The following MBD5 variants were observed in gnomAD, a reference collection of about 807,000 sequenced individuals.
MBD5 encodes methyl-CpG-binding domain protein 5.
A neutral mutation model predicts 117.3 loss-of-function variants in MBD5; 13 were observed. The observed-to-expected ratio is 0.11, with a 90% confidence interval of 0.07 to 0.18. MBD5 has a LOEUF of 0.18. MBD5 is among the 10% of genes least tolerant of loss of function. The pLI, the probability that MBD5 is intolerant of heterozygous loss-of-function variation, is 1.00. For missense variants in MBD5, 1,879 were observed against 2,093.8 expected, an observed-to-expected ratio of 0.90 and a Z score of 2.00; for synonymous variants, 727 against 766.4, an observed-to-expected ratio of 0.95 and a Z score of 0.85.
rs1428970217 is a variant in MBD5 at position 148,483,460 on chromosome 2, C to T, written c.2869C>T (p.Pro957Ser). The T allele has an allele frequency of 6.2e-7, 1 of 1,614,048 alleles. No individual in the cohort carries two copies. The highest frequency in any genetic ancestry group is 2.2e-5 in the East Asian group (1 of 44,880). ...AGGCAAGTCTGAGATCAACCTCCAC[C>T]CTTTAGGTTTTCTCAACCCGAATGT... Reference protein sequence around the residue: ...GEGKSEINLHPLGFLNPNVNA... With the variant: ...GEGKSEINLHSLGFLNPNVNA... The change falls in exon 9 of 14, where the codon CCT becomes TCT. Residue 957 changes from proline (P) to serine (S), a missense_variant. Pro to Ser is a moderately conservative substitution (Grantham distance 74). Around this residue, in one of 4 missense-constraint regions of MBD5, gnomAD observed 1,666 missense variants for 1,792.2 expected, o/e 0.93. Coordinates refer to ENST00000642680, the MANE Select transcript of MBD5 (RefSeq NM_001378120.1).
intron 4 of MBD5, among the ~76,000 whole-genome samples, chr2:148,395,236 A>G (rs1704676765): frequency 6.6e-6 from 1 of 152,150 alleles, no homozygotes; most frequent in East Asian, 1.9e-4. Context: ...TCTACTTCAC[A>G]GATATTTCCT....
intron 1 of MBD5, among the ~76,000 whole-genome samples, chr2:148,140,364 T>A (rs1026578691): frequency 6.6e-6 from 1 of 152,226 alleles, no homozygotes; most frequent in Admixed American, 6.5e-5. Context: ...GTAGGTTGTT[T>A]TAGACAAAAG....
intron 2 of MBD5, among the ~76,000 whole-genome samples, chr2:148,215,638 C>T (rs552345346): frequency 6.6e-6 from 1 of 151,912 alleles, no homozygotes; most frequent in South Asian, 2.1e-4. Flanking sequence ...CCTTCCACCT[C>T]AGCCTCCCAA....
chr2:148,426,336 A>G (rs1705784762), intron 4 of MBD5, among the ~76,000 whole-genome samples: 1 of 152,190 alleles, frequency 6.6e-6, no homozygotes, highest in Non-Finnish European at 1.5e-5. Context: ...AAGAGCCCGC[A>G]TCGCAAAGTC....
In MBD5 at chr2:148,463,902, G is replaced by A; in HGVS notation, c.380G>A (p.Ser127Asn). Residue 127 changes from serine (S) to asparagine (N), a missense_variant, in exon 7 of 14, where the codon AGT becomes AAT. Around this residue, in one of 4 missense-constraint regions of MBD5, gnomAD observed 1,666 missense variants for 1,792.2 expected, o/e 0.93. Coordinates refer to ENST00000642680, the MANE Select transcript of MBD5 (RefSeq NM_001378120.1). ...EAPHPSLVLT[S>N]PGGGTNATPV... is the part of the protein sequence containing the mutation. ...CCACATCCTTCTCTGGTGCTCACCA[G>A]TCCCGGAGGAGGAACAAGTATGTAA... 3.1e-6 allele frequency: 5 copies of A among 1,613,580 alleles called. No individual in the cohort carries two copies. The highest frequency in any genetic ancestry group is 4.2e-6 in the Non-Finnish European group (5 of 1,179,640).
chr2:148,485,773 T>C lies in MBD5; in HGVS notation c.3576T>C (p.Ser1192=). The C allele has an allele frequency of 6.2e-7, 1 of 1,613,752 alleles. No individual in the cohort carries two copies. The highest frequency in any genetic ancestry group is 1.3e-5 in the African/African-American group (1 of 75,054). Reference sequence around the variant, plus strand: ...TGTCATCAATAAACAATACTTTGAGTAACCATCAACTGACTCATCTACAGT... The same window carrying C: ...TGTCATCAATAAACAATACTTTGAGCAACCATCAACTGACTCATCTACAGT... The part of the protein sequence containing the change: ...GDMSSINNTL[S]NHQLTHLQSL... The change falls in exon 10 of 14, where the codon AGT becomes AGC. Residue 1192 remains serine, a synonymous_variant. Transcript: ENST00000642680.
In MBD5 at chr2:148,433,839, T is replaced by G. The variant is rs533394348; in HGVS notation, c.-556-24364T>G. Among the ~76,000 whole-genome samples the G allele has an allele frequency of 5.9e-5, 9 of 152,248 alleles. No individual in the cohort carries two copies. The East Asian group carries it at 1.7e-3, about 29-fold the overall frequency. ...TTTTTGTTGTGTGTCTGCCAGCTTT[T>G]GTTGTCAGGGGATGCTGGCTTCATA... On this transcript the variant is annotated intron_variant, in intron 4 of 13. Transcript: ENST00000642680.
chr2:148,141,206 A>C (rs1304546763), intron 1 of MBD5, among the ~76,000 whole-genome samples: 1 of 152,212 alleles, frequency 6.6e-6, no homozygotes, highest in Non-Finnish European at 1.5e-5. Context: ...AAACCTACTC[A>C]ATGTAAAGTT....
intron 4 of MBD5, among the ~76,000 whole-genome samples, chr2:148,433,692 G>A (rs572751584): frequency 5.3e-5 from 8 of 152,272 alleles, no homozygotes; most frequent in African/African-American, 1.9e-4. Context: ...GCATCCCAGG[G>A]ATGGAGCTTT....
chr2:148,323,241 A>G (rs563305877), intron 3 of MBD5, among the ~76,000 whole-genome samples: 1 of 152,212 alleles, frequency 6.6e-6, no homozygotes, highest in Non-Finnish European at 1.5e-5. Context: ...AATCCAGACT[A>G]TGATTGTTGG....
At chr2:148,338,131 A>C (rs772564293) in intron 3 of MBD5, among the ~76,000 whole-genome samples, 6 of 152,160 alleles carry the variant, frequency 3.9e-5, no homozygotes, top group Non-Finnish European at 8.8e-5. Context: ...ATAGATATTT[A>C]ATATTATTAT....
chr2:148,394,404 A>G (rs1704646850), intron 4 of MBD5, among the ~76,000 whole-genome samples: 1 of 152,006 alleles, frequency 6.6e-6, no homozygotes, highest in Non-Finnish European at 1.5e-5. Flanking sequence ...CAATTTTGAT[A>G]TCCTATATTT....
chr2:148,442,210 C>T (rs909354724), intron 4 of MBD5, among the ~76,000 whole-genome samples: 1 of 151,414 alleles, frequency 6.6e-6, no homozygotes, highest in Non-Finnish European at 1.5e-5. Flanking sequence ...GTATTTTGTA[C>T]TTCCTTATCT....
intron 3 of MBD5, among the ~76,000 whole-genome samples, chr2:148,332,690 G>A (rs375326896): frequency 6.6e-6 from 1 of 151,808 alleles, no homozygotes; most frequent in Non-Finnish European, 1.5e-5. Context: ...TCTATTTTTC[G>A]TTTCTAGAAG....
At chr2:148,083,570 G>T (rs1442150403) in intron 1 of MBD5, among the ~76,000 whole-genome samples, 1 of 151,372 alleles carries the variant, frequency 6.6e-6, no homozygotes, top group East Asian at 1.9e-4. Flanking sequence ...TCGCAATCAA[G>T]GTCCTATATT....
intron 4 of MBD5, among the ~76,000 whole-genome samples, chr2:148,395,353 C>T (rs80351692): frequency 0.053 from 8,022 of 151,904 alleles, 664 homozygotes; most frequent in African/African-American, 0.18. Context: ...TGAGTTTCTA[C>T]GCTATTCAGT....
At chr2:148,196,061 C>G (rs1178117959) in intron 2 of MBD5, 1 of 152,118 alleles carries the variant, frequency 6.6e-6, no homozygotes, top group East Asian at 1.9e-4. Context: ...TGCAGTCTGG[C>G]CTGGCTGTTA....
chr2:148,297,454 G>T (rs1451802804), intron 3 of MBD5, among the ~76,000 whole-genome samples: 2 of 152,068 alleles, frequency 1.3e-5, no homozygotes, highest in Non-Finnish European at 2.9e-5. Flanking sequence ...CTCTTTCCTT[G>T]ATCTGTTATG....
intron 4 of MBD5, among the ~76,000 whole-genome samples, chr2:148,361,942 C>T (rs1703549867): frequency 6.6e-6 from 1 of 152,222 alleles, no homozygotes. Flanking sequence ...CCATGCGGAA[C>T]AGTGCACTCG....
Sources: gnomAD v4.1 joint callset for allele counts (sites outside exome capture counted in the v4.1 genomes callset) on GRCh38, gnomAD v4.1.1 for gene constraint, gnomAD v4.1.1 regional missense constraint, MANE v1.5 for transcripts, NCBI Gene and HGNC (gene_info 2026-07-23, HGNC 2026-07-21) for gene names.